The following H1-3 variants were observed in gnomAD, a reference collection of about 807,000 sequenced individuals.
H1-3 encodes the protein histone H1.3.
In H1-3, 4 loss-of-function variants were observed where a neutral mutation model predicts 3.6. That is an observed-to-expected ratio of 1.12 (90% CI 0.55 to 2.57). The LOEUF (loss-of-function observed/expected upper bound fraction) is 2.57. Among genes scored for constraint, H1-3 ranks in the 30% most tolerant of loss-of-function variants. The probability of loss-of-function intolerance (pLI) is 0.02; values close to 1 mark genes in which losing one functional copy is unlikely to be tolerated. For missense variants in H1-3, 670 were observed against 274.3 expected (o/e 2.44, Z -10.19); for synonymous variants, 266 against 110.0 (o/e 2.42, Z -8.87).
chr6:26,234,651 C>T lies in H1-3; in HGVS notation c.283G>A (p.Val95Met), dbSNP rs145483692. The change falls in exon 1 of 1, where the codon GTG (valine) becomes ATG (methionine). Residue 95 changes from valine (V) to methionine (M), a missense_variant. By Grantham distance (21) the Val-to-Met change is conservative (BLOSUM62 1). Transcript: ENST00000244534. ...LKSLVSKGTL[V>M]QTKGTGASGS... ...GAAGCACCGGTACCTTTGGTCTGCA[C>T]CAGAGTACCTTTGCTCACCAAGCTC... The T allele has an allele frequency of 6.4e-5, 104 of 1,614,040 alleles. No individual in the cohort carries two copies. The highest frequency in any genetic ancestry group is 6.9e-5 in the Non-Finnish European group (81 of 1,180,020).
chr6:26,234,263 C>G lies in H1-3; in HGVS notation c.*5G>C. On this transcript the variant is annotated 3_prime_UTR_variant, in exon 1 of 1. Coordinates refer to ENST00000244534, the MANE Select transcript of H1-3 (RefSeq NM_005320.3). ...AAATTTTCAAAGGGGAACGTCCCGC[C>G]AGTTTCACTTTTTCTTCGGAGCTGC... 6.3e-7 allele frequency: 1 copy of G among 1,585,726 alleles called. No individual in the cohort carries two copies. Among genetic ancestry groups the G allele is most frequent in the Non-Finnish European group, 8.5e-7 (1 of 1,171,394 alleles).
Position 26,234,818 on chromosome 6 carries a change from G to A in H1-3, c.116C>T (p.Pro39Leu), listed in dbSNP as rs1561996332. 5.6e-6 allele frequency: 9 copies of A among 1,614,200 alleles called. No homozygotes were observed. Among genetic ancestry groups the A allele is most frequent in the African/African-American group, 4.0e-5 (3 of 75,044 alleles). ...ATAGKRKASG[P>L]PVSELITKAV... ...CTTGGTGATAAGCTCAGATACTGGG[G>A]GTCCGGATGCTTTGCGTTTCCCAGC... Residue 39 changes from proline to leucine, a missense_variant, in exon 1 of 1, where the codon CCC (proline) becomes CTC (leucine). By Grantham distance (98) the Pro-to-Leu change is moderately conservative. Transcript: ENST00000244534.
In H1-3 at chr6:26,234,974, T is replaced by G. The variant is rs772368103; in HGVS notation, c.-41A>C. 7 of 1,539,262 alleles carry G rather than the reference T, an allele frequency of 4.5e-6. No individual in the cohort carries two copies. Among genetic ancestry groups the G allele is most frequent in the Non-Finnish European group, 6.1e-6 (7 of 1,140,102 alleles). ...GAAAAGACAATAAGTAATCTCAAAC[T>G]GTCAGAACAGCATGTCCTCTACGAG... is the stretch of plus-strand genomic sequence containing the variant. On this transcript the variant is annotated 5_prime_UTR_variant, in exon 1 of 1. Transcript: ENST00000244534.
chr6:26,234,821 C>G lies in H1-3; in HGVS notation c.113G>C (p.Gly38Ala), dbSNP rs890781296. 6.2e-7 allele frequency: 1 copy of G among 1,614,212 alleles called. No individual in the cohort carries two copies. Among genetic ancestry groups the G allele is most frequent in the Admixed American group, 1.7e-5 (1 of 60,032 alleles). The change falls in exon 1 of 1, where the codon GGA becomes GCA. Residue 38 changes from glycine (G) to alanine (A), a missense_variant. Coordinates refer to ENST00000244534, the MANE Select transcript of H1-3 (RefSeq NM_005320.3). ...GGTGATAAGCTCAGATACTGGGGGT[C>G]CGGATGCTTTGCGTTTCCCAGCAGT... ...GATAGKRKAS[G>A]PPVSELITKA...
chr6:26,234,399 T>C lies in H1-3; in HGVS notation c.535A>G (p.Lys179Glu). Residue 179 changes from lysine (K) to glutamate (E), a missense_variant, in exon 1 of 1, where the codon AAA becomes GAA. Lys to Glu is a moderately conservative substitution (Grantham distance 56). Coordinates refer to ENST00000244534, the MANE Select transcript of H1-3 (RefSeq NM_005320.3). ...KKVAKSAKKV[K>E]TPQPKKAAKS... Reference sequence around the variant, plus strand: ...GCAGCTTTTTTTGGCTGAGGTGTTTTCACCTTTTTCGCACTCTTGGCCACT... The same window carrying C: ...GCAGCTTTTTTTGGCTGAGGTGTTTCCACCTTTTTCGCACTCTTGGCCACT... The C allele has an allele frequency of 1.9e-6, 3 of 1,614,222 alleles. No homozygotes were observed. The highest frequency in any genetic ancestry group is 2.5e-6 in the Non-Finnish European group (3 of 1,180,038).
In H1-3 at chr6:26,234,620, G is replaced by C. The variant is rs745396335; in HGVS notation, c.314C>G (p.Ser105Cys). The C allele has an allele frequency of 6.2e-7, 1 of 1,614,138 alleles. No homozygotes were observed. Among genetic ancestry groups the C allele is most frequent in the East Asian group, 2.2e-5 (1 of 44,880 alleles). The change falls in exon 1 of 1, where the codon TCC becomes TGC. Residue 105 changes from serine to cysteine, a missense_variant. Ser to Cys is a moderately radical substitution (Grantham distance 112, BLOSUM62 -1). Transcript: ENST00000244534. ...AGCCGCTTTCTTGTTGAGTTTGAAG[G>C]AGCCAGAAGCACCGGTACCTTTGGT... Reference protein sequence around the residue: ...VQTKGTGASGSFKLNKKAASG... With the variant: ...VQTKGTGASGCFKLNKKAASG...
Position 26,234,362 on chromosome 6 carries a change from G to A in H1-3, c.572C>T (p.Ala191Val), listed in dbSNP as rs541689185. The change falls in exon 1 of 1, where the codon GCT becomes GTT. Residue 191 changes from alanine to valine, a missense_variant. Physicochemically the swap from Ala to Val is moderately conservative, Grantham distance 64. Coordinates refer to ENST00000244534, the MANE Select transcript of H1-3 (RefSeq NM_005320.3). ...PQPKKAAKSP[A>V]KAKAPKPKAA... ...CTTGGGCTTAGGGGCTTTGGCCTTAGCTGGACTCTTGGCAGCTTTTTTTGG... is the reference window on the plus strand; with the variant it reads ...CTTGGGCTTAGGGGCTTTGGCCTTAACTGGACTCTTGGCAGCTTTTTTTGG... 8.1e-6 allele frequency: 13 copies of A among 1,614,244 alleles called. No homozygotes were observed. The highest frequency in any genetic ancestry group is 1.7e-4 in the Middle Eastern group (1 of 6,058).
rs549351582 is a variant in H1-3 at position 26,234,435 on chromosome 6, C to T, written c.499G>A (p.Gly167Arg). The change falls in exon 1 of 1, where the codon GGG (glycine) becomes AGG (arginine). Residue 167 changes from glycine to arginine, a missense_variant. Transcript: ENST00000244534. ...GCACTCTTGGCCACTTTCTTGGTCC[C>T]AGCAGCGGTTGCTGGCTTCTTTACC... Reference protein sequence around the residue: ...KKVKKPATAAGTKKVAKSAKK... With the variant: ...KKVKKPATAARTKKVAKSAKK... 2.5e-6 allele frequency: 4 copies of T among 1,614,126 alleles called. No homozygotes were observed. The highest frequency in any genetic ancestry group is 3.4e-6 in the Non-Finnish European group (4 of 1,179,962).
chr6:26,234,294 T>C lies in H1-3; in HGVS notation c.640A>G (p.Lys214Glu). 6.2e-7 allele frequency: 1 copy of C among 1,602,898 alleles called. No homozygotes were observed. Among genetic ancestry groups the C allele is most frequent in the Non-Finnish European group, 8.5e-7 (1 of 1,176,886 alleles). The change falls in exon 1 of 1, where the codon AAG becomes GAG. Residue 214 changes from lysine (K) to glutamate (E), a missense_variant. Coordinates refer to ENST00000244534, the MANE Select transcript of H1-3 (RefSeq NM_005320.3). ...KSGKPKVTKA[K>E]KAAPKKK ...CACTTTTTCTTCGGAGCTGCCTTCT[T>C]TGCCTTTGTAACCTTCGGCTTCCCC...
In H1-3 at chr6:26,234,335, G is replaced by C; in HGVS notation, c.599C>G (p.Ala200Gly). Residue 200 changes from alanine to glycine, a missense_variant, in exon 1 of 1, where the codon GCG (alanine) becomes GGG (glycine). By Grantham distance (60) the Ala-to-Gly change is moderately conservative (BLOSUM62 0). Coordinates refer to ENST00000244534, the MANE Select transcript of H1-3 (RefSeq NM_005320.3). The part of the protein sequence containing the change: ...PAKAKAPKPK[A>G]AKPKSGKPKV... ...CGGCTTCCCCGACTTAGGCTTGGCCGCCTTGGGCTTAGGGGCTTTGGCCTT... is the reference window on the plus strand; with the variant it reads ...CGGCTTCCCCGACTTAGGCTTGGCCCCCTTGGGCTTAGGGGCTTTGGCCTT... 4 of 1,614,060 alleles carry C rather than the reference G, an allele frequency of 2.5e-6. No homozygotes were observed. The highest frequency in any genetic ancestry group is 2.5e-6 in the Non-Finnish European group (3 of 1,179,992).
Position 26,234,447 on chromosome 6 carries a change from C to G in H1-3, c.487G>C (p.Ala163Pro). ...ACTTTCTTGGTCCCAGCAGCGGTTG[C>G]TGGCTTCTTTACCTTCTTAGGAGTC... is the stretch of plus-strand genomic sequence containing the variant. ...KKTPKKVKKP[A>P]TAAGTKKVAK... Residue 163 changes from alanine (A) to proline (P), a missense_variant, in exon 1 of 1, where the codon GCA becomes CCA. Transcript: ENST00000244534. 6.2e-7 allele frequency: 1 copy of G among 1,614,152 alleles called. No individual in the cohort carries two copies. Among genetic ancestry groups the G allele is most frequent in the Non-Finnish European group, 8.5e-7 (1 of 1,179,978 alleles).
chr6:26,234,336 C>T lies in H1-3; in HGVS notation c.598G>A (p.Ala200Thr), dbSNP rs1052925813. ...PAKAKAPKPKAAKPKSGKPKV... is the reference protein window; with the variant it reads ...PAKAKAPKPKTAKPKSGKPKV... ...GGCTTCCCCGACTTAGGCTTGGCCGCCTTGGGCTTAGGGGCTTTGGCCTTA... is the reference window on the plus strand; with the variant it reads ...GGCTTCCCCGACTTAGGCTTGGCCGTCTTGGGCTTAGGGGCTTTGGCCTTA... Residue 200 changes from alanine to threonine, a missense_variant, in exon 1 of 1, where the codon GCG becomes ACG. Transcript: ENST00000244534. 1.1e-5 allele frequency: 18 copies of T among 1,614,138 alleles called. No homozygotes were observed. Among genetic ancestry groups the T allele is most frequent in the Middle Eastern group, 1.7e-4 (1 of 6,060 alleles).
At position 26,234,683 on chromosome 6, in the gene H1-3, C is replaced by T. The variant is rs761023941; in HGVS notation, c.251G>A (p.Gly84Asp). ...VEKNNSRIKL[G>D]LKSLVSKGTL... The stretch of plus-strand genomic sequence containing the variant: ...ACCTTTGCTCACCAAGCTCTTGAGG[C>T]CAAGCTTGATACGGCTGTTGTTTTT... Residue 84 changes from glycine to aspartate, a missense_variant, in exon 1 of 1, where the codon GGC becomes GAC. Gly to Asp is a moderately conservative substitution (Grantham distance 94). Coordinates refer to ENST00000244534, the MANE Select transcript of H1-3 (RefSeq NM_005320.3). 39 of 1,614,006 alleles carry T rather than the reference C, an allele frequency of 2.4e-5. No individual in the cohort carries two copies. Among genetic ancestry groups the T allele is most frequent in the African/African-American group, 4.0e-5 (3 of 74,918 alleles).
In H1-3 at chr6:26,234,637, A is replaced by T. The variant is rs1475866138; in HGVS notation, c.297T>A (p.Gly99=). Residue 99 remains glycine (G), a synonymous_variant, in exon 1 of 1, where the codon GGT becomes GGA. Transcript: ENST00000244534. Reference sequence around the variant, plus strand: ...GTTTGAAGGAGCCAGAAGCACCGGTACCTTTGGTCTGCACCAGAGTACCTT... The same window carrying T: ...GTTTGAAGGAGCCAGAAGCACCGGTTCCTTTGGTCTGCACCAGAGTACCTT... The part of the protein sequence containing the change: ...VSKGTLVQTK[G]TGASGSFKLN... The T allele has an allele frequency of 6.2e-7, 1 of 1,614,128 alleles. No individual in the cohort carries two copies. The highest frequency in any genetic ancestry group is 8.5e-7 in the Non-Finnish European group (1 of 1,180,022).
chr6:26,234,722 C>A lies in H1-3; in HGVS notation c.212G>T (p.Gly71Val), dbSNP rs1269213018. The A allele has an allele frequency of 1.2e-6, 2 of 1,613,646 alleles. No homozygotes were observed. The highest frequency in any genetic ancestry group is 1.1e-5 in the South Asian group (1 of 91,030). Residue 71 changes from glycine to valine, a missense_variant, in exon 1 of 1, where the codon GGC (glycine) becomes GTC (valine). Coordinates refer to ENST00000244534, the MANE Select transcript of H1-3 (RefSeq NM_005320.3). ...AALKKALAAAGYDVEKNNSRI... is the reference protein window; with the variant it reads ...AALKKALAAAVYDVEKNNSRI... ...GCTGTTGTTTTTTTCTACATCGTAG[C>A]CAGCAGCCGCAAGCGCTTTCTTAAG...
In H1-3 at chr6:26,234,319, C is replaced by T. The variant is rs779587417; in HGVS notation, c.615G>A (p.Ser205=). ...APKPKAAKPK[S]GKPKVTKAKK... is the part of the protein sequence containing the mutation. ...TTGCCTTTGTAACCTTCGGCTTCCC[C>T]GACTTAGGCTTGGCCGCCTTGGGCT... The change falls in exon 1 of 1, where the codon TCG becomes TCA. Residue 205 remains serine, a synonymous_variant. Coordinates refer to ENST00000244534, the MANE Select transcript of H1-3 (RefSeq NM_005320.3). The T allele has an allele frequency of 6.2e-7, 1 of 1,610,778 alleles. No homozygotes were observed. The highest frequency in any genetic ancestry group is 1.3e-5 in the African/African-American group (1 of 74,592).
Position 26,234,839 on chromosome 6 carries a change from C to T in H1-3, c.95G>A (p.Gly32Glu), listed in dbSNP as rs749992324. 4.3e-6 allele frequency: 7 copies of T among 1,614,066 alleles called. No homozygotes were observed. The African/African-American group carries it at 5.3e-5, about 12-fold the overall frequency. Reference sequence around the variant, plus strand: ...TGGGGGTCCGGATGCTTTGCGTTTCCCAGCAGTTGCGCCTGCCTTCTTCGC... The same window carrying T: ...TGGGGGTCCGGATGCTTTGCGTTTCTCAGCAGTTGCGCCTGCCTTCTTCGC... ...KKAKKAGATA[G>E]KRKASGPPVS... Residue 32 changes from glycine to glutamate, a missense_variant, in exon 1 of 1, where the codon GGG becomes GAG. By Grantham distance (98) the Gly-to-Glu change is moderately conservative (BLOSUM62 -2). Coordinates refer to ENST00000244534, the MANE Select transcript of H1-3 (RefSeq NM_005320.3).
Position 26,234,630 on chromosome 6 carries a change from C to T in H1-3, c.304G>A (p.Ala102Thr), listed in dbSNP as rs1759742981. 6.2e-7 allele frequency: 1 copy of T among 1,614,132 alleles called. No individual in the cohort carries two copies. The highest frequency in any genetic ancestry group is 1.3e-5 in the African/African-American group (1 of 75,046). ...TTGTTGAGTTTGAAGGAGCCAGAAGCACCGGTACCTTTGGTCTGCACCAGA... is the reference window on the plus strand; with the variant it reads ...TTGTTGAGTTTGAAGGAGCCAGAAGTACCGGTACCTTTGGTCTGCACCAGA... ...GTLVQTKGTG[A>T]SGSFKLNKKA... Residue 102 changes from alanine (A) to threonine (T), a missense_variant, in exon 1 of 1, where the codon GCT becomes ACT. By Grantham distance (58) the Ala-to-Thr change is moderately conservative. Coordinates refer to ENST00000244534, the MANE Select transcript of H1-3 (RefSeq NM_005320.3).
At position 26,234,597 on chromosome 6, in the gene H1-3, C is replaced by G. The variant is rs147157401; in HGVS notation, c.337G>C (p.Ala113Pro). The change falls in exon 1 of 1, where the codon GCT (alanine) becomes CCT (proline). Residue 113 changes from alanine (A) to proline (P), a missense_variant. By Grantham distance (27) the Ala-to-Pro change is conservative. Transcript: ENST00000244534. The stretch of plus-strand genomic sequence containing the variant: ...GCCTTGGGTTTGCCTTCCCCGGAAG[C>G]CGCTTTCTTGTTGAGTTTGAAGGAG... ...SGSFKLNKKA[A>P]SGEGKPKAKK... 12 of 1,613,858 alleles carry G rather than the reference C, an allele frequency of 7.4e-6. No individual in the cohort carries two copies. Among genetic ancestry groups the G allele is most frequent in the African/African-American group, 6.7e-5 (5 of 74,918 alleles).
Sources: gnomAD v4.1 joint callset for allele counts on GRCh38, gnomAD v4.1.1 for gene constraint, MANE v1.5 for transcripts, NCBI Gene and HGNC (gene_info 2026-07-23, HGNC 2026-07-21) for gene names.